PTDSS2: variants seen among roughly 807,000 people sequenced by gnomAD.
PTDSS2 encodes phosphatidylserine synthase 2.
A neutral mutation model predicts 64.7 loss-of-function variants in PTDSS2; 41 were observed. The observed-to-expected ratio is 0.63, with a 90% CI of 0.49 to 0.82. PTDSS2 has a LOEUF of 0.82. PTDSS2 is among the 40% of genes least tolerant of loss of function. The probability of loss-of-function intolerance (pLI) is 0.00; values close to 1 mark genes in which losing one functional copy is unlikely to be tolerated. For synonymous variants in PTDSS2, 297 were observed against 277.8 expected (o/e 1.07, Z -0.69); for missense variants, 485 against 650.0 (o/e 0.75, Z 2.76).
intron 1 of PTDSS2, among the ~76,000 whole-genome samples, chr11:454,100 C>T (rs1846474159): frequency 6.6e-6 from 1 of 152,320 alleles, no homozygotes; most frequent in South Asian, 2.1e-4. Context: ...GTGTAGACGT[C>T]GTGCTGCGTG....
At chr11:452,545 A>G (rs1396000098) in intron 1 of PTDSS2, among the ~76,000 whole-genome samples, 1 of 152,190 alleles carries the variant, frequency 6.6e-6, no homozygotes, top group African/African-American at 2.4e-5. Flanking sequence ...CAGGAGGCCA[A>G]GGGGGTCAGG....
At chr11:485,833 C>T (rs1331340697) in intron 4 of PTDSS2, among the ~76,000 whole-genome samples, 1 of 29,388 alleles carries the variant, frequency 3.4e-5, no homozygotes, top group East Asian at 1.1e-3. Flanking sequence ...GTGTGCTCAC[C>T]GTGCGCGCAG....
intron 1 of PTDSS2, among the ~76,000 whole-genome samples, chr11:452,059 C>G (rs1386687461): frequency 6.6e-6 from 1 of 152,170 alleles, no homozygotes; most frequent in Non-Finnish European, 1.5e-5. Context: ...ACCGGAGTCT[C>G]TGAGGTCCTG....
Position 489,934 on chromosome 11 carries a change from G to T in PTDSS2, c.1167G>T (p.Thr389=), listed in dbSNP as rs767529170. The change falls in exon 11 of 12, where the codon ACG becomes ACT. Residue 389 remains threonine, a synonymous_variant. Coordinates refer to ENST00000308020, the MANE Select transcript of PTDSS2 (RefSeq NM_030783.3). Reference sequence around the variant, plus strand: ...AGGCCTGGCTGGTGGCGGCCATCACGGCCACGGAGCTGCTCATCGTGGTGA... The same window carrying T: ...AGGCCTGGCTGGTGGCGGCCATCACTGCCACGGAGCTGCTCATCGTGGTGA... ...GPQAWLVAAI[T]ATELLIVVKY... The T allele has an allele frequency of 5.6e-6, 9 of 1,607,058 alleles. No individual in the cohort carries two copies. The Admixed American group carries it at 1.4e-4, about 24-fold the overall frequency.
intron 1 of PTDSS2, among the ~76,000 whole-genome samples, chr11:456,106 G>A (rs79923485): frequency 0.011 from 1,666 of 151,894 alleles, 27 homozygotes; most frequent in African/African-American, 0.037. Context: ...TCATCACGTC[G>A]TTGGCTTTGC....
intron 3 of PTDSS2, among the ~76,000 whole-genome samples, chr11:475,748 C>T (rs1329113348): frequency 1.3e-5 from 2 of 152,090 alleles, no homozygotes; most frequent in Non-Finnish European, 2.9e-5. Context: ...TTTTAACACC[C>T]GAAATTTTAA....
Position 458,209 on chromosome 11 carries a change from T to C in PTDSS2, c.183-1978T>C, listed in dbSNP as rs564205578. 4.0e-5 allele frequency among the ~76,000 whole-genome samples: 6 copies of C among 148,938 alleles called. No homozygotes were observed. The East Asian group carries it at 7.7e-4, about 19-fold the overall frequency. The stretch of plus-strand genomic sequence containing the variant: ...AATTCTGGATAAAAAGTATTTTTTT[T>C]CTTTTTTTTTTTTGAGATTGAGTCT... On this transcript the variant is annotated intron_variant, in intron 1 of 11. Transcript: ENST00000308020.
At position 489,702 on chromosome 11, in the gene PTDSS2, A is replaced by C; in HGVS notation, c.1084A>C (p.Met362Leu). ...CTTCGTGAACGTGGGTGGCGTGGCC[A>C]TGCGTGAGATCTACGACTTCATGGA... The part of the protein sequence containing the change: ...VFFVNVGGVA[M>L]REIYDFMDDP... The change falls in exon 10 of 12, where the codon ATG becomes CTG. Residue 362 changes from methionine (M) to leucine (L), a missense_variant. Transcript: ENST00000308020. The C allele has an allele frequency of 6.2e-7, 1 of 1,606,802 alleles. No individual in the cohort carries two copies. Among genetic ancestry groups the C allele is most frequent in the Non-Finnish European group, 8.5e-7 (1 of 1,177,130 alleles).
At chr11:474,051 C>A in intron 3 of PTDSS2, 74 bp downstream of exon 3, 1 of 1,264,020 alleles carries the variant, frequency 7.9e-7, no homozygotes, top group Non-Finnish European at 1.2e-6. Context: ...GTCTGTGCTG[C>A]TGGGTGTGAG....
chr11:473,842 C>A, intron 2 of PTDSS2, 53 bp from the exon 3 acceptor site: 1 of 1,394,262 alleles, frequency 7.2e-7, no homozygotes. Flanking sequence ...CTCCCACCTC[C>A]CTCCTGGGAG....
At chr11:451,220 C>T (rs909302786) in intron 1 of PTDSS2, 2 of 248,694 alleles carry the variant, frequency 8.0e-6, no homozygotes, top group Non-Finnish European at 1.7e-5. Context: ...CCTAGCGGGG[C>T]CAGCGCCTCC....
At chr11:467,540 G>A (rs1391019744) in intron 2 of PTDSS2, among the ~76,000 whole-genome samples, 6 of 150,076 alleles carry the variant, frequency 4.0e-5, no homozygotes, top group East Asian at 4.1e-4. Flanking sequence ...GGTGGATCAC[G>A]AGGTCAGGAG....
intron 2 of PTDSS2, among the ~76,000 whole-genome samples, chr11:473,578 G>A (rs1294095680): frequency 1.3e-5 from 2 of 152,240 alleles, no homozygotes; most frequent in African/African-American, 2.4e-5. Context: ...TGGGTGCAGG[G>A]TGGTGGAGGT....
chr11:460,442 C>T lies in PTDSS2; in HGVS notation c.284+154C>T. ...CTCTCCCTTGAGTGTGTCTGATGTGCAGACTCCAGGGCTGCCCTTGGTGCT... is the reference window on the plus strand; with the variant it reads ...CTCTCCCTTGAGTGTGTCTGATGTGTAGACTCCAGGGCTGCCCTTGGTGCT... On this transcript the variant is annotated intron_variant, in intron 2 of 11. Coordinates refer to ENST00000308020, the MANE Select transcript of PTDSS2 (RefSeq NM_030783.3). The surrounding 1 kb of genome is among the most constrained non-coding windows in gnomAD (Gnocchi z 5.8). 4.7e-6 allele frequency: 3 copies of T among 637,148 alleles called. No homozygotes were observed. Among genetic ancestry groups the T allele is most frequent in the Non-Finnish European group, 8.4e-6 (3 of 355,980 alleles). The allele number at this position is 637,148 out of a possible 1,614,324, so 39.5% of individuals were successfully genotyped here.
intron 7 of PTDSS2, 94 bp downstream of exon 7, chr11:488,406 C>T: frequency 7.5e-7 from 1 of 1,333,548 alleles, no homozygotes; most frequent in South Asian, 1.2e-5. Flanking sequence ...CCCCCTCATT[C>T]TCCCCGGGGG....
chr11:487,015 G>C lies in PTDSS2; in HGVS notation c.512G>C (p.Gly171Ala), dbSNP rs1200917910. 1 of 1,613,512 alleles carries C rather than the reference G, an allele frequency of 6.2e-7. No individual in the cohort carries two copies. Among genetic ancestry groups the C allele is most frequent in the Non-Finnish European group, 8.5e-7 (1 of 1,179,972 alleles). ...GTCCCACTGCCAGAGAGAGACTACGGGGGAAACTGCCTCATCTACGACCCA... is the reference window on the plus strand; with the variant it reads ...GTCCCACTGCCAGAGAGAGACTACGCGGGAAACTGCCTCATCTACGACCCA... The part of the protein sequence containing the change: ...LGVPLPERDY[G>A]GNCLIYDPDN... Residue 171 changes from glycine (G) to alanine (A), a missense_variant, in exon 5 of 12, where the codon GGG becomes GCG. This residue lies in a region of PTDSS2 where 251 missense variants were observed against 348.0 expected (regional missense o/e 0.72). Coordinates refer to ENST00000308020, the MANE Select transcript of PTDSS2 (RefSeq NM_030783.3).
At chr11:465,753 A>AACC (rs1847110275) in intron 2 of PTDSS2, among the ~76,000 whole-genome samples, 1 of 138,630 alleles carries the variant, frequency 7.2e-6, no homozygotes, top group African/African-American at 2.7e-5. Flanking sequence ...AGTGAGGACC[A>AACC]CCCCCCCCCC....
At chr11:483,555 G>A (rs896096023) in intron 4 of PTDSS2, among the ~76,000 whole-genome samples, 1 of 152,124 alleles carries the variant, frequency 6.6e-6, no homozygotes, top group Admixed American at 6.6e-5. Context: ...ATGATTTTTC[G>A]CATCAAGTGA....
chr11:451,384 G>A, intron 1 of PTDSS2: 1 of 448,048 alleles, frequency 2.2e-6, no homozygotes, highest in Non-Finnish European at 4.5e-6. Flanking sequence ...ACTCCCGACA[G>A]CTGCGACCCT....
Sources: allele counts gnomAD v4.1 joint callset (sites outside exome capture counted in the v4.1 genomes callset), GRCh38; gene constraint gnomAD v4.1.1; regional missense constraint gnomAD v4.1.1; non-coding constraint Gnocchi (gnomAD v3.1); transcripts MANE v1.5; gene names NCBI Gene and HGNC (gene_info 2026-07-23, HGNC 2026-07-21).